The following GNB5 variants were observed in gnomAD, a reference collection of about 807,000 sequenced individuals.
GNB5 encodes guanine nucleotide-binding protein subunit beta-5.
Under a neutral mutation model 55.3 loss-of-function variants are expected in GNB5, and 37 were observed. That is an observed-to-expected ratio of 0.67 (90% CI 0.51 to 0.88). The LOEUF (loss-of-function observed/expected upper bound fraction) is 0.88. Among genes scored for constraint, GNB5 ranks in the 40% least tolerant of loss-of-function variants. The pLI is 0.00. For missense variants in GNB5, 476 were observed against 515.3 expected (o/e 0.92, Z 0.74); for synonymous variants, 219 against 198.5 (o/e 1.10, Z -0.87).
At position 52,147,549 on chromosome 15, in the gene GNB5, C is replaced by G; in HGVS notation, c.418-14G>C. On this transcript the variant is annotated splice_polypyrimidine_tract_variant and intron_variant, in intron 5 of 12. Transcript: ENST00000261837. Reference sequence around the variant, plus strand: ...GACCGCGTGCTCCTGAAACACAGCACAGAGTGAACAACTAGCACTTCCACA... The same window carrying G: ...GACCGCGTGCTCCTGAAACACAGCAGAGAGTGAACAACTAGCACTTCCACA... 7.0e-7 allele frequency: 1 copy of G among 1,435,678 alleles called. No individual in the cohort carries two copies. The highest frequency in any genetic ancestry group is 9.6e-7 in the Non-Finnish European group (1 of 1,044,526). 88.9% of individuals were successfully genotyped at this position (1,435,678 alleles called of 1,614,324 possible). A position where few individuals can be genotyped will look rare whatever the true frequency, so the allele number is the denominator to read the frequency against.
At chr15:52,163,225 C>T (rs1006222714) in intron 3 of GNB5, among the ~76,000 whole-genome samples, 3 of 152,188 alleles carry the variant, frequency 2.0e-5, no homozygotes, top group Non-Finnish European at 4.4e-5. Flanking sequence ...GGCCTTGGGT[C>T]TAAAGCACAG....
intron 5 of GNB5, among the ~76,000 whole-genome samples, chr15:52,148,363 G>A (rs948727036): frequency 5.3e-5 from 8 of 152,134 alleles, no homozygotes; most frequent in Admixed American, 3.9e-4. Context: ...TTGTGCTCAC[G>A]GATAATGAGA....
chr15:52,137,503 A>G (rs2033752281), intron 7 of GNB5: 1 of 1,015,690 alleles, frequency 9.8e-7, no homozygotes, highest in Non-Finnish European at 1.2e-6. Flanking sequence ...TGGGCAGGAG[A>G]ATGAGAAAAG....
chr15:52,146,236 C>T (rs1285885559), intron 6 of GNB5, among the ~76,000 whole-genome samples: 32 of 152,232 alleles, frequency 2.1e-4, no homozygotes, highest in Non-Finnish European at 2.9e-5. Flanking sequence ...GGATTACAGG[C>T]GTGAGCCACC....
intron 6 of GNB5, among the ~76,000 whole-genome samples, chr15:52,145,453 A>G (rs148000527): frequency 2.6e-5 from 4 of 151,390 alleles, no homozygotes; most frequent in African/African-American, 9.7e-5. Flanking sequence ...CACCCTGGCC[A>G]ACATGGTAAA....
At chr15:52,174,220 C>T (rs1176710150) in intron 3 of GNB5, among the ~76,000 whole-genome samples, 1 of 152,152 alleles carries the variant, frequency 6.6e-6, no homozygotes, top group African/African-American at 2.4e-5. Flanking sequence ...GAAGGACCTG[C>T]CCACCCATTT....
intron 2 of GNB5, among the ~76,000 whole-genome samples, chr15:52,183,525 G>A (rs961159947): frequency 2.6e-5 from 4 of 152,142 alleles, no homozygotes; most frequent in Non-Finnish European, 5.9e-5. Flanking sequence ...ACCCTGGGCT[G>A]TTTACTTGCT....
At chr15:52,155,610 A>G (rs1015030619) in intron 3 of GNB5, among the ~76,000 whole-genome samples, 4 of 152,240 alleles carry the variant, frequency 2.6e-5, no homozygotes, top group Non-Finnish European at 5.9e-5. Context: ...CATAGATTGC[A>G]TTCAGTTGCA....
intron 3 of GNB5, among the ~76,000 whole-genome samples, chr15:52,179,437 T>A (rs1272140445): frequency 1.3e-5 from 2 of 149,876 alleles, no homozygotes; most frequent in African/African-American, 4.9e-5. Flanking sequence ...CCCCACCCCC[T>A]GCCCTCCGCA....
intron 12 of GNB5, among the ~76,000 whole-genome samples, chr15:52,123,786 G>A (rs181921245): frequency 4.5e-4 from 68 of 151,888 alleles, no homozygotes; most frequent in East Asian, 4.4e-3. Context: ...CAAGTGATCC[G>A]CCTGACTTGG....
intron 1 of GNB5, among the ~76,000 whole-genome samples, chr15:52,190,576 A>T (rs960105699): frequency 2.0e-5 from 3 of 152,190 alleles, no homozygotes; most frequent in African/African-American, 4.8e-5. Context: ...AGCCATCAGA[A>T]AACCTAAAAA....
chr15:52,140,048 T>C, intron 7 of GNB5: 1 of 1,009,032 alleles, frequency 9.9e-7, no homozygotes, highest in Non-Finnish European at 1.3e-6. Flanking sequence ...TCTGCAAGAT[T>C]CCTGGTTAGG....
chr15:52,172,131 T>C (rs2034564642), intron 3 of GNB5, among the ~76,000 whole-genome samples: 1 of 152,094 alleles, frequency 6.6e-6, no homozygotes, highest in African/African-American at 2.4e-5. Context: ...TTCCCCTTTC[T>C]CTTTTTATTT....
At chr15:52,149,960 C>G (rs1375123961) in intron 4 of GNB5, 35 bp from the exon 5 acceptor site, 1 of 1,506,094 alleles carries the variant, frequency 6.6e-7, no homozygotes, top group African/African-American at 1.4e-5. Flanking sequence ...TAGGGGTTGT[C>G]AAGTTCTTAC....
At chr15:52,167,033 A>G (rs1488138601) in intron 3 of GNB5, among the ~76,000 whole-genome samples, 1 of 152,258 alleles carries the variant, frequency 6.6e-6, no homozygotes, top group African/African-American at 2.4e-5. Flanking sequence ...CAACCATCAG[A>G]GAATACTACA....
rs560069217 is a variant in GNB5, at chr15:52,156,095, GTTAT to G, written c.239-2023_239-2020del. Among the ~76,000 whole-genome samples, 386 of 152,246 alleles carry G rather than the reference GTTAT, an allele frequency of 2.5e-3. 2 individuals are homozygous for G. The highest frequency in any genetic ancestry group is 6.8e-3 in the Middle Eastern group (2 of 294). On this transcript the variant is annotated intron_variant, in intron 3 of 12. Transcript: ENST00000261837. ...AGGAGGAGTTCTGCCTCCTCTCCCA[GTTAT>G]TTATTTATTCATTCATTTACATTAG...
chr15:52,177,786 G>A (rs781191205), intron 3 of GNB5, among the ~76,000 whole-genome samples: 6 of 152,178 alleles, frequency 3.9e-5, no homozygotes, highest in Non-Finnish European at 8.8e-5. Context: ...CGGGGTAGAA[G>A]AGAAGTGGTC....
At chr15:52,161,329 G>A (rs527643227) in intron 3 of GNB5, among the ~76,000 whole-genome samples, 1 of 152,212 alleles carries the variant, frequency 6.6e-6, no homozygotes, top group East Asian at 1.9e-4. Flanking sequence ...ACAGAGTCTC[G>A]CTCTGTTGCC....
chr15:52,182,397 C>T (rs2034784553), intron 2 of GNB5, among the ~76,000 whole-genome samples: 1 of 152,176 alleles, frequency 6.6e-6, no homozygotes, highest in East Asian at 1.9e-4. Flanking sequence ...GCTGTGAAGA[C>T]CTGAGGCACG....
Sources: allele counts gnomAD v4.1 joint callset (sites outside exome capture counted in the v4.1 genomes callset), GRCh38; gene constraint gnomAD v4.1.1; transcripts MANE v1.5; gene names NCBI Gene and HGNC (gene_info 2026-07-23, HGNC 2026-07-21).